Variants in CACNA2D3 observed in about 807,000 individuals in gnomAD.
CACNA2D3 encodes the protein voltage-dependent calcium channel subunit alpha-2/delta-3.
Under a neutral mutation model 160.6 loss-of-function variants are expected in CACNA2D3, and 60 were observed. The observed-to-expected ratio is 0.37, with a 90% CI of 0.30 to 0.46. The LOEUF (loss-of-function observed/expected upper bound fraction) is 0.46. Among genes scored for constraint, CACNA2D3 ranks in the 20% least tolerant of loss-of-function variants. The pLI is 1.00. For missense variants in CACNA2D3, 1,205 were observed against 1,365.0 expected, an observed-to-expected ratio of 0.88 and a Z score of 1.85; for synonymous variants, 558 against 492.9, an observed-to-expected ratio of 1.13 and a Z score of -1.75.
chr3:54,913,617 A>C (rs1700603353), intron 27 of CACNA2D3, among the ~76,000 whole-genome samples: 1 of 152,098 alleles, frequency 6.6e-6, no homozygotes, highest in Admixed American at 6.5e-5. Flanking sequence ...TGGTTTTAGT[A>C]GTACCAGAGC....
intron 21 of CACNA2D3, among the ~76,000 whole-genome samples, chr3:54,882,389 A>T (rs556774162): frequency 7.2e-5 from 11 of 151,998 alleles, no homozygotes; most frequent in African/African-American, 2.2e-4. Context: ...TCTCTCTCTC[A>T]CACACACATA....
intron 2 of CACNA2D3, among the ~76,000 whole-genome samples, chr3:54,171,966 C>T (rs1212615079): frequency 1.1e-4 from 16 of 152,256 alleles, no homozygotes; most frequent in Admixed American, 7.2e-4. Flanking sequence ...CTGTCTCCTT[C>T]CTTTTCTCCC....
intron 3 of CACNA2D3, among the ~76,000 whole-genome samples, chr3:54,368,667 C>G (rs2107546917): frequency 6.8e-6 from 1 of 147,658 alleles, no homozygotes; most frequent in South Asian, 2.2e-4. Context: ...GTGTCCTGCT[C>G]CAAGGTAATA....
chr3:54,626,542 A>G, intron 9 of CACNA2D3: 1 of 1,604,124 alleles, frequency 6.2e-7, no homozygotes, highest in Non-Finnish European at 8.5e-7. Context: ...CAAGCCCGAG[A>G]TGATCGACCA....
intron 35 of CACNA2D3, among the ~76,000 whole-genome samples, chr3:55,020,578 G>A (rs916090215): frequency 2.0e-5 from 3 of 151,772 alleles, no homozygotes; most frequent in Admixed American, 6.6e-5. Context: ...GGCCAGGCGC[G>A]GTGGCTCACG....
chr3:54,886,934 TC>T (rs1699939533), intron 23 of CACNA2D3, among the ~76,000 whole-genome samples: 1 of 108,928 alleles, frequency 9.2e-6, no homozygotes, highest in Non-Finnish European at 1.7e-5. Context: ...TCAGCAAAGC[TC>T]TTTTTTTTTT....
At chr3:54,221,201 G>C (rs558813749) in intron 2 of CACNA2D3, among the ~76,000 whole-genome samples, 17 of 152,218 alleles carry the variant, frequency 1.1e-4, no homozygotes, top group Non-Finnish European at 2.1e-4. Flanking sequence ...TGAAGATACA[G>C]TAATTAAAAT....
chr3:54,287,518 G>A (rs1342378081), intron 2 of CACNA2D3, among the ~76,000 whole-genome samples: 13 of 149,038 alleles, frequency 8.7e-5, no homozygotes, highest in Admixed American at 4.7e-4. Flanking sequence ...ACAGATCAAC[G>A]AGACAGAAAG....
intron 9 of CACNA2D3, among the ~76,000 whole-genome samples, chr3:54,606,991 G>C (rs1472537319): frequency 6.6e-6 from 1 of 152,112 alleles, no homozygotes; most frequent in African/African-American, 2.4e-5. Context: ...ATGACTTTTT[G>C]AGAAACATAT....
chr3:54,757,881 AAGCCCC>A (rs1702002378), intron 12 of CACNA2D3, among the ~76,000 whole-genome samples: 1 of 152,218 alleles, frequency 6.6e-6, no homozygotes, highest in East Asian at 1.9e-4. Context: ...AGGTGATCCA[AAGCCCC>A]AGCCTGAACT....
At chr3:54,627,020 C>T (rs145317638) in intron 9 of CACNA2D3, among the ~76,000 whole-genome samples, 15 of 152,320 alleles carry the variant, frequency 9.8e-5, no homozygotes, top group South Asian at 8.3e-4. Context: ...TCCTTATTCC[C>T]TGGAGCTCTT....
intron 13 of CACNA2D3, among the ~76,000 whole-genome samples, chr3:54,765,978 A>T (rs1365696665): frequency 6.6e-6 from 1 of 152,144 alleles, no homozygotes; most frequent in East Asian, 1.9e-4. Flanking sequence ...AGTGGATCAG[A>T]CGTCTAAATT....
chr3:54,896,736 T>C lies in CACNA2D3; in HGVS notation c.2247-13T>C. ...GAGTGATGCATGTTCTTCTGATTCTTTTCCACTTCAAGGGACTTCCTGAAA... is the reference window on the plus strand; with the variant it reads ...GAGTGATGCATGTTCTTCTGATTCTCTTCCACTTCAAGGGACTTCCTGAAA... On this transcript the variant is annotated splice_polypyrimidine_tract_variant and intron_variant, in intron 25 of 37. Transcript: ENST00000474759. The C allele has an allele frequency of 6.2e-7, 1 of 1,613,988 alleles. No homozygotes were observed.
intron 4 of CACNA2D3, among the ~76,000 whole-genome samples, chr3:54,388,776 G>A (rs1226389610): frequency 6.6e-6 from 1 of 152,184 alleles, no homozygotes; most frequent in Admixed American, 6.5e-5. Context: ...GGCCAGAAGG[G>A]ATTTAATGGC....
At chr3:54,960,908 C>T (rs1279439258) in intron 27 of CACNA2D3, among the ~76,000 whole-genome samples, 2 of 152,166 alleles carry the variant, frequency 1.3e-5, no homozygotes, top group Non-Finnish European at 2.9e-5. Context: ...AACAGACCTC[C>T]GGAATGGGCT....
At chr3:54,656,696 C>T (rs550771181) in intron 11 of CACNA2D3, among the ~76,000 whole-genome samples, 1 of 152,356 alleles carries the variant, frequency 6.6e-6, no homozygotes, top group Admixed American at 6.5e-5. Flanking sequence ...TACCTGCACA[C>T]AAGGTGCAAT....
chr3:54,904,396 C>T (rs185732181), intron 27 of CACNA2D3, among the ~76,000 whole-genome samples: 5 of 152,188 alleles, frequency 3.3e-5, no homozygotes, highest in African/African-American at 9.6e-5. Context: ...GACTTCTTCC[C>T]CTCCTCAAAT....
At chr3:54,704,172 G>A (rs191401321) in intron 11 of CACNA2D3, among the ~76,000 whole-genome samples, 95 of 152,290 alleles carry the variant, frequency 6.2e-4, no homozygotes, top group Middle Eastern at 6.8e-3. Flanking sequence ...TGCAAATGCA[G>A]GAGGGGAAAA....
At chr3:54,334,241 G>A (rs1467335369) in intron 3 of CACNA2D3, among the ~76,000 whole-genome samples, 2 of 151,880 alleles carry the variant, frequency 1.3e-5, no homozygotes, top group East Asian at 1.9e-4. Context: ...CGCTCGCCAC[G>A]ACGCTCAGCT....
Sources: gnomAD v4.1 joint callset for allele counts (sites outside exome capture counted in the v4.1 genomes callset) on GRCh38, gnomAD v4.1.1 for gene constraint, MANE v1.5 for transcripts, NCBI Gene and HGNC (gene_info 2026-07-23, HGNC 2026-07-21) for gene names.